Variants in MRTFB observed in about 807,000 individuals in gnomAD.
MRTFB encodes myocardin-related transcription factor B.
In MRTFB, 29 loss-of-function variants were observed where a neutral mutation model predicts 104.2. The observed-to-expected ratio is 0.28, with a 90% confidence interval of 0.21 to 0.38. The LOEUF (loss-of-function observed/expected upper bound fraction) is 0.38, where lower values mean the gene tolerates loss of function less well. Among genes scored for constraint, MRTFB ranks in the 10% least tolerant of loss-of-function variants. The pLI is 1.00. For synonymous variants in MRTFB, 535 were observed against 519.5 expected (o/e 1.03, Z -0.41); for missense variants, 1,270 against 1,341.6 (o/e 0.95, Z 0.83).
chr16:14,017,912 G>C, the MRTFB span, among the ~76,000 whole-genome samples: 1 of 150,150 alleles, frequency 6.7e-6, no homozygotes, highest in Admixed American at 6.7e-5. Context: ...TATAGAAATG[G>C]GTTCTTGCTA....
intron 2 of MRTFB, among the ~76,000 whole-genome samples, chr16:14,100,664 T>A (rs930239794): frequency 2.0e-5 from 3 of 152,236 alleles, no homozygotes; most frequent in African/African-American, 7.2e-5. Context: ...ACATTTTTCC[T>A]TAAACATCTG....
chr16:14,098,088 ACT>A (rs1019163025), intron 2 of MRTFB, among the ~76,000 whole-genome samples: 1 of 151,802 alleles, frequency 6.6e-6, no homozygotes, highest in Non-Finnish European at 1.5e-5. Flanking sequence ...CTTCGTATGG[ACT>A]CTGTTATCTC....
chr16:14,137,955 G>A (rs1597028834), intron 2 of MRTFB, among the ~76,000 whole-genome samples: 1 of 152,008 alleles, frequency 6.6e-6, no homozygotes, highest in South Asian at 2.1e-4. Context: ...TCTCTTTTTA[G>A]TTACTCATCT....
At chr16:14,210,147 T>C in intron 3 of MRTFB, 96 bp from the exon 4 acceptor site, 1 of 829,674 alleles carries the variant, frequency 1.2e-6, no homozygotes, top group Non-Finnish European at 1.9e-6. Context: ...AAATAGAAGA[T>C]GCTTGATAAA....
At chr16:14,100,804 A>C (rs1314277338) in intron 2 of MRTFB, among the ~76,000 whole-genome samples, 1 of 152,232 alleles carries the variant, frequency 6.6e-6, no homozygotes, top group Non-Finnish European at 1.5e-5. Context: ...GTTTAGTAGT[A>C]TCTTTCAAGG....
intron 3 of MRTFB, among the ~76,000 whole-genome samples, chr16:14,169,715 GTT>G (rs768389921): frequency 2.0e-5 from 3 of 152,118 alleles, no homozygotes; most frequent in Non-Finnish European, 4.4e-5. Context: ...TGAAGAGACA[GTT>G]TGAGTTACCA....
chr16:14,006,637 C>G, the MRTFB span, among the ~76,000 whole-genome samples: 1 of 151,990 alleles, frequency 6.6e-6, no homozygotes, highest in Non-Finnish European at 1.5e-5. Flanking sequence ...TGTATGTGTT[C>G]TAAACAATAG....
chr16:14,258,339 G>A (rs1024948015), intron 16 of MRTFB, among the ~76,000 whole-genome samples, 178 bp downstream of exon 16: 1 of 152,156 alleles, frequency 6.6e-6, no homozygotes, highest in Non-Finnish European at 1.5e-5. Flanking sequence ...ATGGCCAGGT[G>A]CGGTGGCTCA....
At chr16:14,024,882 G>A in the MRTFB span, among the ~76,000 whole-genome samples, 1 of 152,132 alleles carries the variant, frequency 6.6e-6, no homozygotes, top group African/African-American at 2.4e-5. Flanking sequence ...TTTTATAGAT[G>A]AGGAAACAAA....
the MRTFB span, among the ~76,000 whole-genome samples, chr16:14,059,997 ATTTTTTT>A: frequency 1.1e-4 from 11 of 99,720 alleles, no homozygotes; most frequent in South Asian, 3.5e-4. Flanking sequence ...GAGACATGTA[ATTTTTTT>A]TTTTTTTTTT....
the MRTFB span, among the ~76,000 whole-genome samples, chr16:14,059,570 C>T: frequency 3.3e-5 from 5 of 152,286 alleles, no homozygotes; most frequent in African/African-American, 9.6e-5. Flanking sequence ...TCGGCAGGTG[C>T]AAGGCCATTT....
chr16:14,259,678 G>C (rs1008374338), intron 16 of MRTFB, among the ~76,000 whole-genome samples: 4 of 152,096 alleles, frequency 2.6e-5, no homozygotes, highest in Non-Finnish European at 5.9e-5. Flanking sequence ...CAGAACCCAG[G>C]AAGTGGAGGC....
intron 3 of MRTFB, among the ~76,000 whole-genome samples, chr16:14,185,869 T>C (rs1327636114): frequency 6.6e-6 from 1 of 152,232 alleles, no homozygotes; most frequent in Non-Finnish European, 1.5e-5. Context: ...CACATTTGCC[T>C]GGAATTCCTG....
chr16:14,080,537 A>G (rs2034335151), intron 2 of MRTFB, among the ~76,000 whole-genome samples: 1 of 152,226 alleles, frequency 6.6e-6, no homozygotes, highest in Non-Finnish European at 1.5e-5. Context: ...GGAAGAATAC[A>G]GTATATCATA....
rs549107958 is a variant in MRTFB at position 14,194,544 on chromosome 16, G to C, written c.155-15699G>C. Reference sequence around the variant, plus strand: ...ACACAGTTCAGTCTATAACAGCAGTGAATTCTTATTGATGTAAGAACTTTT... The same window carrying C: ...ACACAGTTCAGTCTATAACAGCAGTCAATTCTTATTGATGTAAGAACTTTT... On this transcript the variant is annotated intron_variant, in intron 3 of 16. Transcript: ENST00000571589. 4.8e-4 allele frequency among the ~76,000 whole-genome samples: 73 copies of C among 152,306 alleles called. 1 individual carries two copies. The highest frequency in any genetic ancestry group is 1.7e-3 in the African/African-American group (69 of 41,578).
the MRTFB span, among the ~76,000 whole-genome samples, chr16:14,023,616 T>TAC: frequency 1.8e-5 from 1 of 56,414 alleles, no homozygotes; most frequent in East Asian, 4.1e-4. Context: ...CACACATACA[T>TAC]ATACATATAC....
At chr16:14,104,617 A>G (rs1361968862) in intron 2 of MRTFB, among the ~76,000 whole-genome samples, 1 of 152,258 alleles carries the variant, frequency 6.6e-6, no homozygotes, top group Non-Finnish European at 1.5e-5. Flanking sequence ...ATTTGTCATA[A>G]GGAATCCAAA....
At chr16:14,235,707 G>C (rs2042468139) in intron 9 of MRTFB, among the ~76,000 whole-genome samples, 1 of 152,164 alleles carries the variant, frequency 6.6e-6, no homozygotes, top group Non-Finnish European at 1.5e-5. Flanking sequence ...ATAGGTAGTA[G>C]CAGATTCCAT....
the MRTFB span, among the ~76,000 whole-genome samples, chr16:14,061,744 G>C: frequency 3.3e-5 from 5 of 152,140 alleles, no homozygotes; most frequent in African/African-American, 9.6e-5. Flanking sequence ...TCAAAGGAGG[G>C]GGAGGGCCAA....
Sources: allele counts gnomAD v4.1 joint callset (sites outside exome capture counted in the v4.1 genomes callset), GRCh38; gene constraint gnomAD v4.1.1; transcripts MANE v1.5; gene names NCBI Gene and HGNC (gene_info 2026-07-23, HGNC 2026-07-21).